The following SLC25A12 variants were observed in gnomAD, a reference collection of about 807,000 sequenced individuals.
SLC25A12 encodes solute carrier family 25 member 12.
A neutral mutation model predicts 83.3 loss-of-function variants in SLC25A12; 32 were observed. The ratio of observed to expected loss-of-function variants is 0.38; its 90% CI spans 0.29 to 0.52. The LOEUF is 0.52. Among genes scored for constraint, SLC25A12 ranks in the 20% least tolerant of loss-of-function variants. The probability of loss-of-function intolerance (pLI) is 0.84; values close to 1 mark genes in which losing one functional copy is unlikely to be tolerated. For missense variants in SLC25A12, 611 were observed against 835.6 expected, an observed-to-expected ratio of 0.73 and a Z score of 3.31; for synonymous variants, 267 against 291.1, an observed-to-expected ratio of 0.92 and a Z score of 0.84.
chr2:171,818,725 T>A (rs1684108855), intron 9 of SLC25A12, among the ~76,000 whole-genome samples: 1 of 152,100 alleles, frequency 6.6e-6, no homozygotes, highest in South Asian at 2.1e-4. Flanking sequence ...TGAGCAGTGA[T>A]GATGCATTAG....
chr2:171,887,420 T>C (rs1274701716), intron 2 of SLC25A12, among the ~76,000 whole-genome samples: 5 of 152,236 alleles, frequency 3.3e-5, no homozygotes, highest in Admixed American at 2.6e-4. Context: ...TCTTAACATA[T>C]ATTGCCTTTA....
At chr2:171,889,701 TCC>T (rs869099941) in intron 2 of SLC25A12, among the ~76,000 whole-genome samples, 3 of 133,388 alleles carry the variant, frequency 2.2e-5, no homozygotes, top group African/African-American at 8.6e-5. Flanking sequence ...TCTGCCATTA[TCC>T]CCTGATATAC....
chr2:171,798,180 CAT>C (rs111585044), intron 13 of SLC25A12, among the ~76,000 whole-genome samples: 6 of 151,988 alleles, frequency 3.9e-5, no homozygotes, highest in African/African-American at 1.5e-4. Context: ...AATCTTATAT[CAT>C]ATGAATTTTT....
chr2:171,855,768 G>C, intron 4 of SLC25A12, 66 bp downstream of exon 4: 1 of 914,770 alleles, frequency 1.1e-6, no homozygotes, highest in Non-Finnish European at 1.8e-6. Context: ...TTAGTTACTA[G>C]ATTCAGCAAT....
At chr2:171,792,837 G>GAATTTCT (rs1209969724) in intron 14 of SLC25A12, among the ~76,000 whole-genome samples, 23 of 152,086 alleles carry the variant, frequency 1.5e-4, no homozygotes, top group Admixed American at 1.5e-3. Flanking sequence ...CCAATCTAGA[G>GAATTTCT]AATTTCTAAT....
At chr2:171,844,795 C>T (rs1194452158) in intron 4 of SLC25A12, among the ~76,000 whole-genome samples, 1 of 152,138 alleles carries the variant, frequency 6.6e-6, no homozygotes, top group Non-Finnish European at 1.5e-5. Flanking sequence ...TATCTTACAT[C>T]ATAAATGGCT....
Position 171,894,205 on chromosome 2 carries a change from T to C in SLC25A12, c.10A>G (p.Lys4Glu). ...CAGCAGCAGAGAGTTGGAGTCACCT[T>C]GACCGCCATGCTGTGCTCGGAAGCC... MAV[K>E]VQTTKRGDPH... is the part of the protein sequence containing the mutation. Residue 4 changes from lysine to glutamate, a missense_variant and splice_region_variant, in exon 1 of 18, where the codon AAG becomes GAG. By Grantham distance (56) the Lys-to-Glu change is moderately conservative. Coordinates refer to ENST00000422440, the MANE Select transcript of SLC25A12 (RefSeq NM_003705.5). 1.9e-6 allele frequency: 3 copies of C among 1,608,920 alleles called. No homozygotes were observed. Among genetic ancestry groups the C allele is most frequent in the South Asian group, 1.1e-5 (1 of 90,004 alleles).
In SLC25A12 at chr2:171,880,900, T is replaced by C. The variant is rs529588387; in HGVS notation, c.67-12077A>G. Among the ~76,000 whole-genome samples the C allele has an allele frequency of 3.7e-4, 56 of 152,330 alleles. No homozygotes were observed. The South Asian group carries it at 0.011, about 29-fold the overall frequency. ...AAAAAAGGCGAATTGTATTAAAATA[T>C]ATAAAGCAAAGCTCCTCCGTTTACT... On this transcript the variant is annotated intron_variant, in intron 2 of 17. Transcript: ENST00000422440.
At chr2:171,799,150 C>G (rs1475841714) in intron 13 of SLC25A12, among the ~76,000 whole-genome samples, 1 of 152,164 alleles carries the variant, frequency 6.6e-6, no homozygotes, top group African/African-American at 2.4e-5. Context: ...CTGCTGGTAC[C>G]TTGATCTTGA....
intron 2 of SLC25A12, chr2:171,871,705 A>G: frequency 2.0e-6 from 2 of 984,712 alleles, no homozygotes; most frequent in South Asian, 4.7e-5. Flanking sequence ...CCATGTTGCC[A>G]TCAGGAATAG....
At chr2:171,808,151 C>T (rs1252721342) in intron 13 of SLC25A12, among the ~76,000 whole-genome samples, 2 of 152,214 alleles carry the variant, frequency 1.3e-5, no homozygotes, top group African/African-American at 4.8e-5. Context: ...AAATATGAAA[C>T]AAATACCACA....
chr2:171,789,444 G>A (rs1331359112), intron 15 of SLC25A12, among the ~76,000 whole-genome samples: 1 of 152,012 alleles, frequency 6.6e-6, no homozygotes, highest in Non-Finnish European at 1.5e-5. Context: ...TAGCCAGGAT[G>A]GTCTCGATCT....
Position 171,787,849 on chromosome 2 carries a change from C to T in SLC25A12, c.1684G>A (p.Asp562Asn), listed in dbSNP as rs1332081148. 9.3e-6 allele frequency: 15 copies of T among 1,614,178 alleles called. No homozygotes were observed. The highest frequency in any genetic ancestry group is 3.3e-5 in the Admixed American group (2 of 60,032). ...AGQTTYSGVIDCFRKILREEG... is the reference protein window; with the variant it reads ...AGQTTYSGVINCFRKILREEG... ...TCCCGGAGAATCTTCCTGAAACAGT[C>T]GATGACACCACTGTATGTCGTCTGG... Residue 562 changes from aspartate (D) to asparagine (N), a missense_variant, in exon 16 of 18, where the codon GAC becomes AAC. Transcript: ENST00000422440.
At chr2:171,786,522 A>C (rs536890866) in intron 17 of SLC25A12, among the ~76,000 whole-genome samples, 1 of 152,122 alleles carries the variant, frequency 6.6e-6, no homozygotes, top group East Asian at 1.9e-4. Context: ...TTTTTTGCAT[A>C]GGTCCCTCCA....
At chr2:171,831,294 T>C (rs1684426085) in intron 8 of SLC25A12, among the ~76,000 whole-genome samples, 2 of 152,188 alleles carry the variant, frequency 1.3e-5, no homozygotes, top group Non-Finnish European at 2.9e-5. Context: ...CCCCAAGAAC[T>C]GTAGGCAGAC....
At chr2:171,802,588 A>G (rs1683731540) in intron 13 of SLC25A12, among the ~76,000 whole-genome samples, 1 of 152,122 alleles carries the variant, frequency 6.6e-6, no homozygotes, top group South Asian at 2.1e-4. Flanking sequence ...CATCCTGGCT[A>G]ACACGGTGAA....
intron 2 of SLC25A12, among the ~76,000 whole-genome samples, chr2:171,891,929 C>T (rs777881676): frequency 3.9e-5 from 6 of 152,336 alleles, no homozygotes; most frequent in Admixed American, 1.3e-4. Context: ...TGCTCAACTA[C>T]GCAGCGTCTT....
At chr2:171,805,331 G>A (rs56056453) in intron 13 of SLC25A12, among the ~76,000 whole-genome samples, 6 of 152,128 alleles carry the variant, frequency 3.9e-5, no homozygotes, top group African/African-American at 1.4e-4. Flanking sequence ...GGCTGGTCTC[G>A]AACTCCTGAC....
Position 171,791,759 on chromosome 2 carries a change from G to A in SLC25A12, c.1447-170C>T, listed in dbSNP as rs1043447452. Among the ~76,000 whole-genome samples the A allele has an allele frequency of 8.5e-5, 13 of 152,212 alleles. 1 individual carries two copies. Among genetic ancestry groups the A allele is most frequent in the African/African-American group, 2.6e-4 (11 of 41,530 alleles). On this transcript the variant is annotated intron_variant, in intron 14 of 17. Transcript: ENST00000422440. ...GATGTGCAAGGGAAATGGGGGAGGC[G>A]GGAGATAAGTGGGGAATAGGGAAAT...
Sources: allele counts gnomAD v4.1 joint callset (sites outside exome capture counted in the v4.1 genomes callset), GRCh38; gene constraint gnomAD v4.1.1; transcripts MANE v1.5; gene names NCBI Gene and HGNC (gene_info 2026-07-23, HGNC 2026-07-21).